The following PLD3 variants were observed in gnomAD, a reference collection of about 807,000 sequenced individuals.
The protein encoded by PLD3 is phospholipase D family member 3, also known as 5'-3' exonuclease PLD3.
Under a neutral mutation model 58.4 loss-of-function variants are expected in PLD3, and 31 were observed. The observed-to-expected ratio is 0.53, with a 90% CI of 0.40 to 0.72. PLD3 has a LOEUF of 0.72. Among genes scored for constraint, PLD3 ranks in the 30% least tolerant of loss-of-function variants. The probability of loss-of-function intolerance (pLI) is 0.00; values close to 1 mark genes in which losing one functional copy is unlikely to be tolerated. For synonymous variants in PLD3, 264 were observed against 273.4 expected (o/e 0.97, Z 0.34); for missense variants, 595 against 659.8 (o/e 0.90, Z 1.08).
Position 40,369,975 on chromosome 19 carries a change from G to C in PLD3, c.497G>C (p.Ser166Thr). 1.9e-6 allele frequency: 3 copies of C among 1,560,584 alleles called. No homozygotes were observed. Among genetic ancestry groups the C allele is most frequent in the Non-Finnish European group, 2.6e-6 (3 of 1,153,288 alleles). ...PKGVNVRIAV[S>T]KPSGPQPQAD... ...GGCGTGAACGTCCGCATCGCTGTGA[G>C]CAAGCCCAGCGGGCCCCAGCCACAG... Residue 166 changes from serine to threonine, a missense_variant, in exon 7 of 13, where the codon AGC becomes ACC. By Grantham distance (58) the Ser-to-Thr change is moderately conservative (BLOSUM62 1). Coordinates refer to ENST00000409735, the MANE Select transcript of PLD3 (RefSeq NM_012268.4).
At chr19:40,377,909 G>T (rs1188985345) in intron 12 of PLD3, 24 bp downstream of exon 12, 2 of 1,613,332 alleles carry the variant, frequency 1.2e-6, no homozygotes, top group Admixed American at 3.3e-5. Context: ...GCACCACGGG[G>T]CGCTGAAGAA....
intron 1 of PLD3, chr19:40,357,097 C>T (rs1322972031): frequency 3.9e-5 from 6 of 152,030 alleles, no homozygotes; most frequent in Admixed American, 1.3e-4. Flanking sequence ...TGTTCTGTTC[C>T]GTTTTCTGTA....
At chr19:40,372,368 A>G (rs992737125) in intron 9 of PLD3, among the ~76,000 whole-genome samples, 1 of 151,994 alleles carries the variant, frequency 6.6e-6, no homozygotes, top group Non-Finnish European at 1.5e-5. Flanking sequence ...TGGGTTGTGC[A>G]TGCATGTAGT....
chr19:40,349,398 C>G (rs1245313447), intron 1 of PLD3, among the ~76,000 whole-genome samples: 1 of 152,130 alleles, frequency 6.6e-6, no homozygotes, highest in Non-Finnish European at 1.5e-5. Context: ...TATTTTTCTT[C>G]CCTCCGTGTC....
chr19:40,369,560 C>G (rs1020747161), intron 6 of PLD3, among the ~76,000 whole-genome samples: 1 of 152,122 alleles, frequency 6.6e-6, no homozygotes, highest in African/African-American at 2.4e-5. Flanking sequence ...TCGTGCCTCA[C>G]CCGATACCTT....
chr19:40,366,146 A>C, intron 2 of PLD3: 1 of 416,252 alleles, frequency 2.4e-6, no homozygotes, highest in East Asian at 5.5e-5. Flanking sequence ...TACAGGTTGG[A>C]GGAGGGAGAA....
chr19:40,376,481 C>T, intron 10 of PLD3, 128 bp from the exon 11 acceptor site: 2 of 831,658 alleles, frequency 2.4e-6, no homozygotes, highest in Admixed American at 2.3e-5. Flanking sequence ...GGTCTGGGAG[C>T]CAGCGATGAG....
intron 9 of PLD3, among the ~76,000 whole-genome samples, 200 bp downstream of exon 9, chr19:40,372,073 T>G (rs1405853542): frequency 6.6e-6 from 1 of 152,146 alleles, no homozygotes; most frequent in Non-Finnish European, 1.5e-5. Flanking sequence ...TGGGTATTGT[T>G]TCCAACCTGT....
intron 1 of PLD3, among the ~76,000 whole-genome samples, chr19:40,364,587 C>A (rs182005087): frequency 2.9e-4 from 44 of 151,646 alleles, no homozygotes; most frequent in African/African-American, 9.9e-4. Flanking sequence ...GTCAGGAGAT[C>A]GAGACCATCC....
intron 1 of PLD3, among the ~76,000 whole-genome samples, chr19:40,349,217 C>G (rs1345537044): frequency 6.6e-6 from 1 of 152,078 alleles, no homozygotes; most frequent in Non-Finnish European, 1.5e-5. Flanking sequence ...AAGTCACCTT[C>G]GCATGGCTAC....
At chr19:40,373,644 G>T (rs371847785) in intron 9 of PLD3, among the ~76,000 whole-genome samples, 2 of 151,586 alleles carry the variant, frequency 1.3e-5, no homozygotes, top group African/African-American at 4.8e-5. Flanking sequence ...GAGGCACTGG[G>T]CACCCGAGGG....
rs770026861 is a variant in PLD3, at chr19:40,366,921, T to TG, written c.245+12dup. ...CCCTGCTATGACCCTTGCGAGTAAGTGGGGGGTGCTGCAGTTGGTGGGGGA... is the reference window on the plus strand; with the variant it reads ...CCCTGCTATGACCCTTGCGAGTAAGTGGGGGGGTGCTGCAGTTGGTGGGGGA... On this transcript the variant is annotated splice_region_variant and intron_variant, in intron 5 of 12. Coordinates refer to ENST00000409735, the MANE Select transcript of PLD3 (RefSeq NM_012268.4). 6.0e-5 allele frequency: 95 copies of TG among 1,591,014 alleles called. No individual in the cohort carries two copies. The highest frequency in any genetic ancestry group is 7.9e-5 in the Non-Finnish European group (92 of 1,167,952).
intron 1 of PLD3, among the ~76,000 whole-genome samples, chr19:40,353,954 G>C (rs1381129379): frequency 6.6e-6 from 1 of 151,978 alleles, no homozygotes; most frequent in East Asian, 1.9e-4. Context: ...GAGTGCAGTG[G>C]TGCAGTCATG....
intron 1 of PLD3, among the ~76,000 whole-genome samples, chr19:40,355,520 C>T (rs997903802): frequency 2.6e-5 from 4 of 151,360 alleles, no homozygotes; most frequent in Non-Finnish European, 5.9e-5. Context: ...CCATGTTGGC[C>T]AGGCTGGTCT....
At chr19:40,372,393 A>C (rs922984883) in intron 9 of PLD3, among the ~76,000 whole-genome samples, 1 of 152,136 alleles carries the variant, frequency 6.6e-6, no homozygotes, top group Non-Finnish European at 1.5e-5. Context: ...GCTACGCAGG[A>C]GGCTGAGGCA....
chr19:40,352,527 C>T (rs1053890320), intron 1 of PLD3, among the ~76,000 whole-genome samples: 1 of 152,124 alleles, frequency 6.6e-6, no homozygotes, highest in Non-Finnish European at 1.5e-5. Flanking sequence ...AGTCCAGTTC[C>T]AGGCTTACCA....
At chr19:40,362,570 G>A (rs1479918441) in intron 1 of PLD3, among the ~76,000 whole-genome samples, 1 of 152,108 alleles carries the variant, frequency 6.6e-6, no homozygotes, top group East Asian at 1.9e-4. Context: ...CACATAGTTG[G>A]AACTACACGT....
At chr19:40,366,579 C>T (rs969375644) in intron 3 of PLD3, 31 bp from the exon 4 acceptor site, 1 of 1,582,966 alleles carries the variant, frequency 6.3e-7, no homozygotes, top group African/African-American at 1.3e-5. Flanking sequence ...CAAGAGCCAC[C>T]TGTCACCCCC....
At chr19:40,349,965 AAAT>A (rs2078453774) in intron 1 of PLD3, among the ~76,000 whole-genome samples, 1 of 145,428 alleles carries the variant, frequency 6.9e-6, no homozygotes, top group African/African-American at 2.5e-5. Context: ...TCTCAAAAAA[AAAT>A]AATAATAATA....
Sources: allele counts gnomAD v4.1 joint callset (sites outside exome capture counted in the v4.1 genomes callset), GRCh38; gene constraint gnomAD v4.1.1; transcripts MANE v1.5; gene names NCBI Gene and HGNC (gene_info 2026-07-23, HGNC 2026-07-21).